CHODL: variants seen among roughly 807,000 people sequenced by gnomAD.
The protein encoded by CHODL is chondrolectin.
A neutral mutation model predicts 34.5 loss-of-function variants in CHODL; 29 were observed. The ratio of observed to expected loss-of-function variants is 0.84; its 90% CI spans 0.63 to 1.15. The LOEUF is 1.15. CHODL is among the 50% of genes most tolerant of loss of function. The pLI is 0.00. For synonymous variants in CHODL, 125 were observed against 116.1 expected (o/e 1.08, Z -0.49); for missense variants, 332 against 332.5 (o/e 1.00, Z 0.01).
chr21:18,253,573 T>C (rs1479195177), intron 1 of CHODL, among the ~76,000 whole-genome samples: 1 of 152,140 alleles, frequency 6.6e-6, no homozygotes, highest in Non-Finnish European at 1.5e-5. Flanking sequence ...ATTGTTAGGC[T>C]CTGACTGAGA....
chr21:18,045,742 G>C (rs562687230), intron 2 of CHODL, among the ~76,000 whole-genome samples: 1 of 152,058 alleles, frequency 6.6e-6, no homozygotes, highest in Admixed American at 6.6e-5. Context: ...ATTAGGTCAA[G>C]AGCACTTATG....
intron 1 of CHODL, among the ~76,000 whole-genome samples, chr21:18,001,283 G>A (rs774555323): frequency 3.9e-5 from 6 of 152,198 alleles, no homozygotes; most frequent in Non-Finnish European, 7.3e-5. Flanking sequence ...TAATGAGGGC[G>A]GAGTGTATGA....
At chr21:18,250,769 A>T (rs2074226123) in intron 1 of CHODL, among the ~76,000 whole-genome samples, 1 of 151,924 alleles carries the variant, frequency 6.6e-6, no homozygotes, top group Admixed American at 6.6e-5. Context: ...TGAAAAAGAA[A>T]AAAATATCTT....
chr21:17,951,134 G>GTGTGTGTGTGTA (rs1175448664), intron 1 of CHODL, among the ~76,000 whole-genome samples: 3 of 146,814 alleles, frequency 2.0e-5, no homozygotes, highest in African/African-American at 7.6e-5. Flanking sequence ...GTGTGTGTGT[G>GTGTGTGTGTGTA]TGTGTACAAA....
intron 2 of CHODL, among the ~76,000 whole-genome samples, chr21:18,236,538 T>G (rs551593035): frequency 1.3e-5 from 2 of 152,230 alleles, no homozygotes; most frequent in South Asian, 4.1e-4. Flanking sequence ...TCTCTAAGGT[T>G]TCTTTGGAAG....
At chr21:18,116,949 T>C (rs1209173654) in intron 2 of CHODL, among the ~76,000 whole-genome samples, 1 of 152,182 alleles carries the variant, frequency 6.6e-6, no homozygotes, top group Non-Finnish European at 1.5e-5. Flanking sequence ...GGTTACTCCA[T>C]TGCGCCCACA....
chr21:18,004,421 A>T (rs928505380), intron 1 of CHODL, among the ~76,000 whole-genome samples: 1 of 152,264 alleles, frequency 6.6e-6, no homozygotes, highest in Non-Finnish European at 1.5e-5. Context: ...AAGCACGTAC[A>T]CATCAGTTAC....
chr21:18,015,036 C>T (rs2146418065), intron 1 of CHODL, among the ~76,000 whole-genome samples: 1 of 152,274 alleles, frequency 6.6e-6, no homozygotes, highest in South Asian at 2.1e-4. Flanking sequence ...TTTGAAACTT[C>T]TTAGAGACTG....
Position 18,196,905 on chromosome 21 carries a change from T to C in CHODL, c.-44-59604T>C, listed in dbSNP as rs1050342474. Among the ~76,000 whole-genome samples the C allele has an allele frequency of 2.6e-5, 4 of 152,230 alleles. No homozygotes were observed. The East Asian group carries it at 5.8e-4, about 22-fold the overall frequency. ...TGTTCTGGAGACCTAATGTACAGCA[T>C]AGTGATTGCAGTTAATAATAATGTA... On this transcript the variant is annotated intron_variant, in intron 2 of 6. Transcript: ENST00000400127.
chr21:17,959,941 A>G (rs1240689812), intron 1 of CHODL, among the ~76,000 whole-genome samples: 1 of 152,238 alleles, frequency 6.6e-6, no homozygotes, highest in Non-Finnish European at 1.5e-5. Context: ...GCTATGAAAT[A>G]TTATCTAACA....
intron 3 of CHODL, among the ~76,000 whole-genome samples, chr21:18,259,202 A>G (rs992970699): frequency 2.1e-4 from 32 of 152,336 alleles, no homozygotes; most frequent in African/African-American, 7.7e-4. Context: ...TGATAAAAGT[A>G]GAGAGTTACA....
intron 1 of CHODL, among the ~76,000 whole-genome samples, chr21:17,986,792 C>T (rs1167738022): frequency 8.5e-5 from 13 of 152,126 alleles, no homozygotes; most frequent in Admixed American, 7.2e-4. Flanking sequence ...AGTGTAAAAG[C>T]GTTCCTATTT....
intron 1 of CHODL, among the ~76,000 whole-genome samples, chr21:17,926,842 A>C (rs1412949059): frequency 6.6e-6 from 1 of 152,150 alleles, no homozygotes; most frequent in African/African-American, 2.4e-5. Flanking sequence ...AAAGGCAAAT[A>C]TTATAAAAAG....
At position 18,181,332 on chromosome 21, in the gene CHODL, A is replaced by G. The variant is rs1450198773; in HGVS notation, c.-44-75177A>G. 3.3e-5 allele frequency among the ~76,000 whole-genome samples: 5 copies of G among 152,226 alleles called. No individual in the cohort carries two copies. The East Asian group carries it at 9.6e-4, about 29-fold the overall frequency. On this transcript the variant is annotated intron_variant, in intron 2 of 6. Transcript: ENST00000400127. ...AGTAGAGTTGTGCAACCATCACCAC[A>G]ATGTAGTTTTAGAGCATTACAGTGC... is the stretch of plus-strand genomic sequence containing the variant.
intron 1 of CHODL, among the ~76,000 whole-genome samples, chr21:18,251,328 C>T (rs1332907290): frequency 6.8e-6 from 1 of 147,714 alleles, no homozygotes; most frequent in East Asian, 2.0e-4. Flanking sequence ...ATTTATGTAG[C>T]TGTGTGTGAA....
At chr21:18,087,467 G>A (rs746112748) in intron 2 of CHODL, among the ~76,000 whole-genome samples, 7 of 152,124 alleles carry the variant, frequency 4.6e-5, no homozygotes, top group Non-Finnish European at 7.4e-5. Flanking sequence ...AGGGGGGCAC[G>A]AAGCTGTGGG....
chr21:18,188,778 A>G (rs1053476179), intron 2 of CHODL, among the ~76,000 whole-genome samples: 1 of 152,260 alleles, frequency 6.6e-6, no homozygotes, highest in Admixed American at 6.5e-5. Context: ...GCTCTCTAAG[A>G]AAATGACATT....
chr21:18,049,531 A>G (rs2064487180), intron 2 of CHODL, among the ~76,000 whole-genome samples: 1 of 151,970 alleles, frequency 6.6e-6, no homozygotes, highest in African/African-American at 2.4e-5. Context: ...ACAAAATACC[A>G]GAGACTGTGT....
chr21:18,167,211 CTGTGTGTGTGTG>C (rs71329776), intron 2 of CHODL, among the ~76,000 whole-genome samples: 14,198 of 88,160 alleles, frequency 0.16, 855 homozygotes, highest in South Asian at 0.28. Flanking sequence ...TTCTCTCTCT[CTGTGTGTGTGTG>C]TGTGTGTGTG....
Sources: allele counts gnomAD v4.1 joint callset (sites outside exome capture counted in the v4.1 genomes callset), GRCh38; gene constraint gnomAD v4.1.1; transcripts MANE v1.5; gene names NCBI Gene and HGNC (gene_info 2026-07-23, HGNC 2026-07-21).